Variants in TRPC4 observed in about 807,000 individuals in gnomAD.
TRPC4 encodes transient receptor potential cation channel subfamily C member 4.
Under a neutral mutation model 99.4 loss-of-function variants are expected in TRPC4, and 49 were observed. The observed-to-expected ratio is 0.49, with a 90% CI of 0.39 to 0.63. The LOEUF (loss-of-function observed/expected upper bound fraction) is 0.63. Ranked by LOEUF, TRPC4 falls within the 20% of genes least tolerant of loss-of-function variation. The pLI is 0.00. For missense variants in TRPC4, 898 were observed against 1,152.9 expected (o/e 0.78, Z 3.20); for synonymous variants, 454 against 425.9 (o/e 1.07, Z -0.81).
intron 3 of TRPC4, among the ~76,000 whole-genome samples, chr13:37,698,166 C>CTTTTTTTTTTTTTTTTTTTTTTTTTT: frequency 5.6e-4 from 1 of 1,772 alleles, no homozygotes; most frequent in South Asian, 0.024. Context: ...CAAGGACTAA[C>CTTTTTTTTTTTTTTTTTTTTTTTTTT]CTTTTTTTTT....
At chr13:37,774,909 G>A (rs1956656218) in intron 2 of TRPC4, among the ~76,000 whole-genome samples, 1 of 151,612 alleles carries the variant, frequency 6.6e-6, no homozygotes. Flanking sequence ...ATGTATTCAA[G>A]TAATTACAGT....
chr13:37,638,960 C>T, intron 10 of TRPC4, 80 bp downstream of exon 10: 2 of 1,448,130 alleles, frequency 1.4e-6, no homozygotes, highest in South Asian at 1.2e-5. Context: ...GCTGCATTTC[C>T]AGCTCTGATT....
At chr13:37,852,705 C>T (rs1302585708) in intron 1 of TRPC4, among the ~76,000 whole-genome samples, 1 of 152,140 alleles carries the variant, frequency 6.6e-6, no homozygotes, top group East Asian at 1.9e-4. Context: ...ATTTCTAGGC[C>T]TGTCCTGGGC....
intron 2 of TRPC4, among the ~76,000 whole-genome samples, chr13:37,764,915 G>T (rs1366395075): frequency 2.7e-5 from 4 of 148,398 alleles, no homozygotes; most frequent in Admixed American, 2.0e-4. Context: ...TTTTGCTTAA[G>T]ATTTTTACAC....
At chr13:37,679,505 A>G (rs1953166223) in intron 4 of TRPC4, among the ~76,000 whole-genome samples, 1 of 152,198 alleles carries the variant, frequency 6.6e-6, no homozygotes, top group African/African-American at 2.4e-5. Flanking sequence ...AAAGCATAGT[A>G]GACATGATGG....
chr13:37,650,395 C>T (rs969775542), intron 8 of TRPC4, among the ~76,000 whole-genome samples: 14 of 151,848 alleles, frequency 9.2e-5, no homozygotes, highest in Non-Finnish European at 2.1e-4. Flanking sequence ...GTGAGGAAGG[C>T]GTGAAGAATG....
chr13:37,685,389 G>A (rs181279356), intron 4 of TRPC4, among the ~76,000 whole-genome samples: 5 of 152,146 alleles, frequency 3.3e-5, no homozygotes, highest in African/African-American at 1.2e-4. Context: ...ATCCCTGCAA[G>A]GAATGTAAAT....
At chr13:37,644,872 CAAAAA>C (rs11446579) in intron 8 of TRPC4, among the ~76,000 whole-genome samples, 9 of 81,502 alleles carry the variant, frequency 1.1e-4, no homozygotes, top group African/African-American at 2.0e-4. Flanking sequence ...GACTCCATCT[CAAAAA>C]AAAAAAAAAA....
chr13:37,836,881 G>A (rs1310846664), intron 1 of TRPC4, among the ~76,000 whole-genome samples: 3 of 152,150 alleles, frequency 2.0e-5, no homozygotes, highest in South Asian at 4.1e-4. Flanking sequence ...TCCCATCACA[G>A]GCCCAGAGAC....
chr13:37,713,337 A>G (rs1327464348), intron 3 of TRPC4, among the ~76,000 whole-genome samples: 1 of 152,232 alleles, frequency 6.6e-6, no homozygotes, highest in African/African-American at 2.4e-5. Context: ...TCTTTTATCT[A>G]GATAATAAAA....
intron 3 of TRPC4, among the ~76,000 whole-genome samples, chr13:37,728,263 T>A (rs533391700): frequency 6.6e-6 from 1 of 151,974 alleles, no homozygotes; most frequent in South Asian, 2.1e-4. Context: ...TTTACATATG[T>A]TGTAGTCTTA....
At chr13:37,759,873 AT>A (rs35257303) in intron 2 of TRPC4, among the ~76,000 whole-genome samples, 45,738 of 151,770 alleles carry the variant, frequency 0.3, 8,166 homozygotes, top group Non-Finnish European at 0.42. Context: ...TCTTATATTT[AT>A]TTCATCAATT....
At chr13:37,860,227 G>A (rs913612738) in intron 1 of TRPC4, among the ~76,000 whole-genome samples, 1 of 151,264 alleles carries the variant, frequency 6.6e-6, no homozygotes, top group Non-Finnish European at 1.5e-5. Flanking sequence ...AATATATCAA[G>A]TATTTTGTTA....
At chr13:37,820,928 C>G (rs1433977034) in intron 1 of TRPC4, among the ~76,000 whole-genome samples, 2 of 151,970 alleles carry the variant, frequency 1.3e-5, no homozygotes, top group African/African-American at 4.8e-5. Flanking sequence ...ACTGGAAGAC[C>G]TAGCCCAAGC....
intron 3 of TRPC4, among the ~76,000 whole-genome samples, chr13:37,741,919 C>T (rs1416460064): frequency 8.3e-6 from 1 of 120,186 alleles, no homozygotes; most frequent in African/African-American, 3.6e-5. Flanking sequence ...CCCTCTGTGA[C>T]TCCGATTTTT....
chr13:37,715,267 A>C (rs769264028), intron 3 of TRPC4, among the ~76,000 whole-genome samples: 23 of 152,230 alleles, frequency 1.5e-4, no homozygotes, highest in Admixed American at 2.0e-4. Flanking sequence ...TTTGCAGGCC[A>C]GATATGCATA....
chr13:37,733,519 T>C (rs1328050980), intron 3 of TRPC4, among the ~76,000 whole-genome samples: 1 of 152,098 alleles, frequency 6.6e-6, no homozygotes, highest in East Asian at 1.9e-4. Flanking sequence ...AGGACCAGAC[T>C]TAAAGAGAAA....
chr13:37,795,719 C>T (rs1056943452), intron 1 of TRPC4, among the ~76,000 whole-genome samples: 2 of 152,168 alleles, frequency 1.3e-5, no homozygotes, highest in Non-Finnish European at 2.9e-5. Flanking sequence ...CCTACCATTA[C>T]ACAACAACTT....
intron 1 of TRPC4, among the ~76,000 whole-genome samples, chr13:37,829,475 A>T (rs1473778038): frequency 1.3e-5 from 2 of 152,214 alleles, no homozygotes; most frequent in Non-Finnish European, 2.9e-5. Context: ...CAACCCAGAA[A>T]ATAGCAAGTG....
Sources: allele counts gnomAD v4.1 joint callset (sites outside exome capture counted in the v4.1 genomes callset), GRCh38; gene constraint gnomAD v4.1.1; transcripts MANE v1.5; gene names NCBI Gene and HGNC (gene_info 2026-07-23, HGNC 2026-07-21).